MED12L: variants seen among roughly 807,000 people sequenced by gnomAD.
MED12L encodes mediator complex subunit 12L, also known as mediator of RNA polymerase II transcription subunit 12-like protein.
Under a neutral mutation model 281.3 loss-of-function variants are expected in MED12L, and 60 were observed. The observed-to-expected ratio is 0.21, with a 90% CI of 0.17 to 0.26. The LOEUF is 0.26. Among genes scored for constraint, MED12L ranks in the 10% least tolerant of loss-of-function variants. The pLI is 1.00. For synonymous variants in MED12L, 974 were observed against 987.2 expected (o/e 0.99, Z 0.25); for missense variants, 2,146 against 2,680.9 (o/e 0.80, Z 4.41).
intron 2 of MED12L, among the ~76,000 whole-genome samples, chr3:151,114,368 G>A (rs1712400987): frequency 6.6e-6 from 1 of 152,138 alleles, no homozygotes; most frequent in South Asian, 2.1e-4. Flanking sequence ...ATTAGTAAGA[G>A]CACACATAAT....
At chr3:151,155,998 G>A (rs1576846752) in intron 5 of MED12L, among the ~76,000 whole-genome samples, 163 bp from the exon 6 acceptor site, 4 of 152,288 alleles carry the variant, frequency 2.6e-5, no homozygotes, top group Admixed American at 2.6e-4. Flanking sequence ...CTTTGGGTGG[G>A]TATCCTTTTC....
At chr3:151,098,830 A>G (rs1203179912) in intron 2 of MED12L, among the ~76,000 whole-genome samples, 12 of 152,164 alleles carry the variant, frequency 7.9e-5, no homozygotes, top group Non-Finnish European at 1.6e-4. Flanking sequence ...GCCTGTTTTC[A>G]CACTGCTGAT....
At chr3:151,329,105 TATTAACATCCTGC>T in intron 16 of MED12L, 2 of 812,294 alleles carry the variant, frequency 2.5e-6, no homozygotes, top group Non-Finnish European at 3.9e-6. Flanking sequence ...GTTTATAGCA[TATTAACATCCTGC>T]ATTTATCCAA....
intron 16 of MED12L, among the ~76,000 whole-genome samples, chr3:151,243,454 C>A (rs1734672339): frequency 6.6e-6 from 1 of 152,002 alleles, no homozygotes; most frequent in African/African-American, 2.4e-5. Context: ...AGAGTGGGGG[C>A]CAATATTCAA....
chr3:151,337,887 G>A (rs760586689), intron 16 of MED12L: 1 of 1,614,148 alleles, frequency 6.2e-7, no homozygotes, highest in East Asian at 2.2e-5. Context: ...GGACAGAGAT[G>A]TTGCAGAATT....
intron 11 of MED12L, among the ~76,000 whole-genome samples, chr3:151,181,599 T>A (rs1262467720): frequency 7.0e-6 from 1 of 142,852 alleles, no homozygotes; most frequent in Non-Finnish European, 1.5e-5. Flanking sequence ...TTTTTTTTTT[T>A]TTTTAAGATG....
intron 5 of MED12L, among the ~76,000 whole-genome samples, chr3:151,133,603 G>GA (rs59629188): frequency 0.012 from 1,623 of 140,106 alleles, 18 homozygotes; most frequent in Non-Finnish European, 0.018. Context: ...TGTGAGACCT[G>GA]AAAAAAAAAA....
At chr3:151,159,397 G>A (rs1253290585) in intron 7 of MED12L, among the ~76,000 whole-genome samples, 1 of 152,158 alleles carries the variant, frequency 6.6e-6, no homozygotes, top group African/African-American at 2.4e-5. Flanking sequence ...TCTCTCCCCT[G>A]AGATAGTCTG....
chr3:151,225,839 G>A (rs764483235), intron 16 of MED12L, among the ~76,000 whole-genome samples: 2 of 152,170 alleles, frequency 1.3e-5, no homozygotes, highest in African/African-American at 2.4e-5. Flanking sequence ...TAAGTCTGTT[G>A]TCTTTTTCTC....
At chr3:151,260,839 A>G (rs1738729230) in intron 16 of MED12L, among the ~76,000 whole-genome samples, 1 of 152,104 alleles carries the variant, frequency 6.6e-6, no homozygotes, top group Non-Finnish European at 1.5e-5. Context: ...CCTTAGTTGT[A>G]TTCAGACTAA....
At chr3:151,405,752 T>C (rs557907285) in intron 39 of MED12L, among the ~76,000 whole-genome samples, 1 of 152,220 alleles carries the variant, frequency 6.6e-6, no homozygotes, top group East Asian at 1.9e-4. Flanking sequence ...GCAGAATAAA[T>C]AGGGAGAAAT....
intron 5 of MED12L, among the ~76,000 whole-genome samples, chr3:151,131,759 A>G (rs1715429951): frequency 6.6e-6 from 1 of 152,108 alleles, no homozygotes; most frequent in Non-Finnish European, 1.5e-5. Flanking sequence ...AGGGAAGTAT[A>G]GCTCCAGTTT....
In MED12L at chr3:151,369,442, C is replaced by A. The variant is rs1260812446; in HGVS notation, c.3557C>A (p.Pro1186His). The A allele has an allele frequency of 6.3e-7, 1 of 1,599,934 alleles. No homozygotes were observed. The highest frequency in any genetic ancestry group is 1.3e-5 in the African/African-American group (1 of 74,370). ...ACFLPQATGK[P>H]FPGIRSSCDR... is the part of the protein sequence containing the mutation. ...AGATTTGTTGTTTTTGTAGGCAAAC[C>A]TTTCCCTGGAATAAGATCATCTTGT... is the stretch of plus-strand genomic sequence containing the variant. The change falls in exon 26 of 45, where the codon CCT becomes CAT. Residue 1186 changes from proline to histidine, a missense_variant. Coordinates refer to ENST00000687756, the MANE Select transcript of MED12L (RefSeq NM_001393769.1).
intron 3 of MED12L, among the ~76,000 whole-genome samples, chr3:151,117,517 G>A (rs751432163): frequency 2.6e-5 from 4 of 151,976 alleles, no homozygotes; most frequent in Middle Eastern, 3.4e-3. Context: ...CTGCTTTTTC[G>A]TATTCCGTTT....
chr3:151,143,521 A>G (rs929769555), intron 5 of MED12L, among the ~76,000 whole-genome samples: 4 of 152,188 alleles, frequency 2.6e-5, no homozygotes, highest in Admixed American at 6.5e-5. Context: ...GAAATGTCTG[A>G]TGTAATAATT....
intron 43 of MED12L, chr3:151,425,764 G>A (rs1005371903): frequency 6.6e-6 from 3 of 456,464 alleles, no homozygotes; most frequent in African/African-American, 2.0e-5. Flanking sequence ...CAATTATCAT[G>A]TTAAACCATA....
chr3:151,193,538 T>C lies in MED12L; in HGVS notation c.2122T>C (p.Leu708=), dbSNP rs1396493708. 2.5e-6 allele frequency: 4 copies of C among 1,613,996 alleles called. No individual in the cohort carries two copies. The highest frequency in any genetic ancestry group is 3.4e-6 in the Non-Finnish European group (4 of 1,179,912). ...ATCCTGTGAGAATGCCAACACTTCG[T>C]TGGGCAGAAGAATGTCAGTTAATTG... The part of the protein sequence containing the change: ...GESCENANTS[L]GRRMSVNCEK... Residue 708 remains leucine, a synonymous_variant, in exon 16 of 45, where the codon TTG becomes CTG. Transcript: ENST00000687756.
intron 16 of MED12L, chr3:151,328,585 A>G (rs1577343184): frequency 6.2e-7 from 1 of 1,613,730 alleles, no homozygotes; most frequent in East Asian, 2.2e-5. Flanking sequence ...TTGCAAAAAC[A>G]GGTTTTTTTA....
chr3:151,263,327 G>A (rs942526113), intron 16 of MED12L, among the ~76,000 whole-genome samples: 1 of 152,158 alleles, frequency 6.6e-6, no homozygotes, highest in Admixed American at 6.5e-5. Flanking sequence ...GTGAGCATCT[G>A]TTTCATTTTA....
Sources: gnomAD v4.1 joint callset for allele counts (sites outside exome capture counted in the v4.1 genomes callset) on GRCh38, gnomAD v4.1.1 for gene constraint, MANE v1.5 for transcripts, NCBI Gene and HGNC (gene_info 2026-07-23, HGNC 2026-07-21) for gene names.